VPS41: variants seen among roughly 807,000 people sequenced by gnomAD.
VPS41 encodes the protein VPS41 subunit of HOPS complex.
VPS41 carries 85 observed loss-of-function variants against 130.9 expected under a neutral mutation model. The ratio of observed to expected loss-of-function variants is 0.65; its 90% confidence interval spans 0.55 to 0.78. The LOEUF (loss-of-function observed/expected upper bound fraction) is 0.78. VPS41 is among the 30% of genes least tolerant of loss of function. The probability of loss-of-function intolerance (pLI) is 0.00; values close to 1 mark genes in which losing one functional copy is unlikely to be tolerated. For missense variants in VPS41, 874 were observed against 1,018.7 expected, an observed-to-expected ratio of 0.86 and a Z score of 1.93; for synonymous variants, 335 against 332.9, an observed-to-expected ratio of 1.01 and a Z score of -0.07.
intron 2 of VPS41, among the ~76,000 whole-genome samples, chr7:38,875,307 A>G (rs1391088550): frequency 2.6e-5 from 4 of 152,164 alleles, no homozygotes; most frequent in African/African-American, 4.8e-5. Flanking sequence ...AATTTGTCAC[A>G]TTCGTATTAA....
intron 2 of VPS41, among the ~76,000 whole-genome samples, chr7:38,883,157 C>G (rs954466127): frequency 2.6e-5 from 4 of 152,182 alleles, no homozygotes; most frequent in African/African-American, 9.7e-5. Flanking sequence ...GCAGGAGAAT[C>G]ACTTGAACCT....
chr7:38,853,327 G>A (rs927609887), intron 4 of VPS41, among the ~76,000 whole-genome samples: 1 of 148,852 alleles, frequency 6.7e-6, no homozygotes, highest in Non-Finnish European at 1.5e-5. Context: ...GCTGAGGCAG[G>A]AGAACGGCAT....
At position 38,789,875 on chromosome 7, in the gene VPS41, A is replaced by G. The variant is rs1302163685; in HGVS notation, c.718-8T>C. The stretch of plus-strand genomic sequence containing the variant: ...TTCCTTCACTGAGCACACCTGGAAA[A>G]TAAGTTCGCAGGTTATTTTATTCAT... On this transcript the variant is annotated splice_polypyrimidine_tract_variant and splice_region_variant and intron_variant, in intron 9 of 28. Coordinates refer to ENST00000310301, the MANE Select transcript of VPS41 (RefSeq NM_014396.4). The G allele has an allele frequency of 3.7e-6, 6 of 1,613,538 alleles. No individual in the cohort carries two copies. The highest frequency in any genetic ancestry group is 5.1e-6 in the Non-Finnish European group (6 of 1,179,572).
chr7:38,891,501 C>CA (rs1411901096), intron 2 of VPS41, among the ~76,000 whole-genome samples: 2 of 152,154 alleles, frequency 1.3e-5, no homozygotes, highest in Non-Finnish European at 2.9e-5. Context: ...TGTTTTTGAA[C>CA]AGCCCATAAA....
At chr7:38,840,037 G>A (rs1167588485) in intron 4 of VPS41, among the ~76,000 whole-genome samples, 1 of 152,188 alleles carries the variant, frequency 6.6e-6, no homozygotes, top group African/African-American at 2.4e-5. Context: ...ATGGCAGCTG[G>A]CTGCTGTCCA....
At chr7:38,857,893 G>A (rs1031494011) in intron 4 of VPS41, among the ~76,000 whole-genome samples, 4 of 152,172 alleles carry the variant, frequency 2.6e-5, no homozygotes, top group African/African-American at 9.7e-5. Flanking sequence ...AACTCAAAGA[G>A]GAGATGAGAG....
At position 38,795,421 on chromosome 7, in the gene VPS41, G is replaced by A. The variant is rs776178019; in HGVS notation, c.717+44C>T. 4.5e-6 allele frequency: 7 copies of A among 1,567,138 alleles called. No individual in the cohort carries two copies. The East Asian group carries it at 9.1e-5, about 20-fold the overall frequency. On this transcript the variant is annotated intron_variant, in intron 9 of 28. Transcript: ENST00000310301. ...ACAGTCCTTTGGACCACCCTCAGTG[G>A]ATCTATAACAACACGGACTTATTAT...
At chr7:38,799,966 C>T (rs1000593044) in intron 7 of VPS41, among the ~76,000 whole-genome samples, 1 of 152,066 alleles carries the variant, frequency 6.6e-6, no homozygotes, top group Admixed American at 6.6e-5. Flanking sequence ...TATCTTCAAA[C>T]TACTGAACTG....
At chr7:38,756,693 C>T (rs557088962) in intron 19 of VPS41, 145 bp downstream of exon 19, 53 of 559,730 alleles carry the variant, frequency 9.5e-5, no homozygotes, top group African/African-American at 3.0e-4. Context: ...CAACATCTAG[C>T]GAGGGTCAGA....
intron 17 of VPS41, among the ~76,000 whole-genome samples, chr7:38,760,893 G>GT (rs1253996109): frequency 2.6e-5 from 4 of 152,030 alleles, no homozygotes; most frequent in Non-Finnish European, 5.9e-5. Context: ...CCAGGATTTG[G>GT]TAAGAAAAGT....
In VPS41 at chr7:38,852,575, C is replaced by T. The variant is rs376899777; in HGVS notation, c.246+9970G>A. Among the ~76,000 whole-genome samples, 39 of 152,200 alleles carry T rather than the reference C, an allele frequency of 2.6e-4. No homozygotes were observed. In the East Asian group the frequency reaches 6.2e-3, roughly 24 times the overall value. On this transcript the variant is annotated intron_variant, in intron 4 of 28. Transcript: ENST00000310301. Reference sequence around the variant, plus strand: ...AATATCCATTAAGTATTCAACTATCCTAATATATCATGATCCTATTAAATG... The same window carrying T: ...AATATCCATTAAGTATTCAACTATCTTAATATATCATGATCCTATTAAATG...
intron 8 of VPS41, chr7:38,796,443 A>C (rs1181916627): frequency 2.0e-6 from 1 of 502,142 alleles, no homozygotes; most frequent in Admixed American, 2.3e-5. Flanking sequence ...TGATATTTTC[A>C]AGACCCATTC....
intron 4 of VPS41, among the ~76,000 whole-genome samples, chr7:38,848,302 C>A (rs1454880551): frequency 1.3e-5 from 2 of 150,868 alleles, no homozygotes; most frequent in African/African-American, 2.4e-5. Context: ...ATAAAAGATA[C>A]CCACTCCTCC....
chr7:38,798,035 C>A (rs1784654311), intron 7 of VPS41, among the ~76,000 whole-genome samples: 1 of 152,120 alleles, frequency 6.6e-6, no homozygotes. Flanking sequence ...CAGATATATT[C>A]TCAGAGACCT....
At chr7:38,796,584 C>A in intron 8 of VPS41, 161 bp downstream of exon 8, 2 of 1,027,690 alleles carry the variant, frequency 1.9e-6, no homozygotes, top group South Asian at 1.3e-5. Context: ...CAAAAGCAAT[C>A]TAATTTCTTT....
intron 23 of VPS41, among the ~76,000 whole-genome samples, chr7:38,744,758 A>C (rs1278547239): frequency 1.3e-5 from 2 of 152,204 alleles, no homozygotes; most frequent in African/African-American, 4.8e-5. Context: ...ATAACTGGAC[A>C]GTTCTGGGTT....
chr7:38,833,098 G>A (rs540989569), intron 4 of VPS41, among the ~76,000 whole-genome samples: 5 of 152,002 alleles, frequency 3.3e-5, no homozygotes, highest in Non-Finnish European at 5.9e-5. Flanking sequence ...CTGTCTTTAT[G>A]TCCACTCTAT....
chr7:38,891,394 T>G (rs1786863985), intron 2 of VPS41, among the ~76,000 whole-genome samples: 1 of 152,224 alleles, frequency 6.6e-6, no homozygotes, highest in Non-Finnish European at 1.5e-5. Flanking sequence ...TTTTCCTTTG[T>G]TTATATATGG....
intron 7 of VPS41, among the ~76,000 whole-genome samples, chr7:38,802,343 T>C (rs1784745743): frequency 6.6e-6 from 1 of 152,148 alleles, no homozygotes; most frequent in Non-Finnish European, 1.5e-5. Flanking sequence ...CCTGGCCCCG[T>C]CGAACATTTA....
Sources: gnomAD v4.1 joint callset for allele counts (sites outside exome capture counted in the v4.1 genomes callset) on GRCh38, gnomAD v4.1.1 for gene constraint, MANE v1.5 for transcripts, NCBI Gene and HGNC (gene_info 2026-07-23, HGNC 2026-07-21) for gene names.